CDC27: variants seen among roughly 807,000 people sequenced by gnomAD.
CDC27 encodes the protein cell division cycle 27.
A neutral mutation model predicts 109.7 loss-of-function variants in CDC27; 27 were observed. That is an observed-to-expected ratio of 0.25 (90% confidence interval 0.18 to 0.34). The LOEUF (loss-of-function observed/expected upper bound fraction) is 0.34. Among genes scored for constraint, CDC27 ranks in the 10% least tolerant of loss-of-function variants. The pLI, the probability that CDC27 is intolerant of heterozygous loss-of-function variation, is 1.00. For missense variants in CDC27, 579 were observed against 960.2 expected, an observed-to-expected ratio of 0.60 and a Z score of 5.25; for synonymous variants, 266 against 333.9, an observed-to-expected ratio of 0.80 and a Z score of 2.22.
chr17:47,170,838 A>T (rs567902964), intron 3 of CDC27: 2 of 152,374 alleles, frequency 1.3e-5, no homozygotes, highest in East Asian at 3.9e-4. Flanking sequence ...CAGTGGCTCA[A>T]GCCTATAACC....
chr17:47,157,388 TG>T lies in CDC27; in HGVS notation c.476-5del. 1.3e-6 allele frequency: 2 copies of T among 1,532,088 alleles called. No homozygotes were observed. The highest frequency in any genetic ancestry group is 2.2e-5 in the Admixed American group (1 of 44,604). The allele number at this position is 1,532,088 out of a possible 1,614,324, so 94.9% of individuals were successfully genotyped here. On this transcript the variant is annotated splice_region_variant and splice_polypyrimidine_tract_variant and intron_variant, in intron 5 of 18. Coordinates refer to ENST00000066544, the MANE Select transcript of CDC27 (RefSeq NM_001256.6). ...TGGTCAGGATCTGGCTTTTCACCTG[TG>T]AAGACAAAAAAAAAAAAAGTTTGTC...
Position 47,171,963 on chromosome 17 carries a change from G to C in CDC27, c.205C>G (p.Pro69Ala). The part of the protein sequence containing the change: ...RLLKGHSCTT[P>A]QCKYLLAKCC... ...TTTGCAAGCAGGTATTTGCATTGCG[G>C]TGTAGTACAACTGTGTCCTTTCAAG... is the stretch of plus-strand genomic sequence containing the variant. The change falls in exon 3 of 19, where the codon CCG (proline) becomes GCG (alanine). Residue 69 changes from proline (P) to alanine (A), a missense_variant. This residue lies in a region of CDC27 where 44 missense variants were observed against 102.2 expected (regional missense o/e 0.43). Transcript: ENST00000066544. 1 of 1,601,802 alleles carries C rather than the reference G, an allele frequency of 6.2e-7. No homozygotes were observed. The highest frequency in any genetic ancestry group is 8.5e-7 in the Non-Finnish European group (1 of 1,174,612).
chr17:47,162,567 ATT>A (rs2063528376), intron 4 of CDC27, among the ~76,000 whole-genome samples: 2 of 152,212 alleles, frequency 1.3e-5, no homozygotes, highest in Admixed American at 6.5e-5. Flanking sequence ...TAAAAGTTGC[ATT>A]AGTGAACTGT....
intron 4 of CDC27, among the ~76,000 whole-genome samples, chr17:47,163,982 T>A (rs528069469): frequency 1.3e-5 from 2 of 152,300 alleles, no homozygotes; most frequent in South Asian, 4.1e-4. Flanking sequence ...CAGGCTAGTC[T>A]CGAACTCTTG....
chr17:47,188,722 A>T (rs2064547128), intron 1 of CDC27: 11 of 1,007,768 alleles, frequency 1.1e-5, no homozygotes, highest in Non-Finnish European at 1.3e-5. Context: ...CAAAATAAAA[A>T]AAACCTCCGT....
chr17:47,122,351 C>A (rs909262692), intron 18 of CDC27, 93 bp downstream of exon 18: 4 of 897,488 alleles, frequency 4.5e-6, no homozygotes, highest in African/African-American at 1.7e-5. Flanking sequence ...ATGAAAACAC[C>A]ATGGTTAGAA....
At chr17:47,148,016 G>A (rs2063028813) in intron 9 of CDC27, among the ~76,000 whole-genome samples, 1 of 151,170 alleles carries the variant, frequency 6.6e-6, no homozygotes, top group East Asian at 1.9e-4. Context: ...TGACCAACAT[G>A]GTGAAACCCC....
rs367705594 is a variant in CDC27, at chr17:47,170,149, TTCTC to T, written c.252-111_252-108del. On this transcript the variant is annotated intron_variant, in intron 3 of 18. Transcript: ENST00000066544. ...ATCTAACTATGGAGACACAAATTTTTTCTCTCTCTCTCTTTCCTTTTCCTTCCTT... is the reference window on the plus strand; with the variant it reads ...ATCTAACTATGGAGACACAAATTTTTTCTCTCTCTTTCCTTTTCCTTCCTT... 2,874 of 775,962 alleles carry T rather than the reference TTCTC, an allele frequency of 3.7e-3. 60 individuals are homozygous for T. The African/African-American group carries it at 0.048, about 13-fold the overall frequency. 48.1% of individuals were successfully genotyped at this position (775,962 alleles called of 1,614,324 possible).
Position 47,120,382 on chromosome 17 carries a change from G to A in CDC27, c.*553C>T, listed in dbSNP as rs2148779812. 1 of 153,294 alleles carries A rather than the reference G, an allele frequency of 6.5e-6. No homozygotes were observed. Among genetic ancestry groups the A allele is most frequent in the East Asian group, 1.9e-4 (1 of 5,186 alleles). 9.5% of individuals were successfully genotyped at this position (153,294 alleles called of 1,614,324 possible). A position where few individuals can be genotyped will look rare whatever the true frequency, so the allele number is the denominator to read the frequency against. On this transcript the variant is annotated 3_prime_UTR_variant, in exon 19 of 19. Transcript: ENST00000066544. ...GAGTCCCAATATGCCCATTACATTTGTTTATGGGAGATACTGCAAGTTTAA... is the reference window on the plus strand; with the variant it reads ...GAGTCCCAATATGCCCATTACATTTATTTATGGGAGATACTGCAAGTTTAA...
rs1194340872 is a variant in CDC27 at position 47,132,135 on chromosome 17, T to C, written c.2031+122A>G. 1.2e-5 allele frequency: 7 copies of C among 583,918 alleles called. 1 individual carries two copies. The highest frequency in any genetic ancestry group is 7.9e-5 in the South Asian group (3 of 37,838). 36.2% of individuals were successfully genotyped at this position (583,918 alleles called of 1,614,324 possible). A position where few individuals can be genotyped will look rare whatever the true frequency, so the allele number is the denominator to read the frequency against. ...AAATGGGTAGTATTTTTGGGTGTAA[T>C]AGGCTCCAGAATACTGTTTCAACAC... is the stretch of plus-strand genomic sequence containing the variant. On this transcript the variant is annotated intron_variant, in intron 15 of 18. Transcript: ENST00000066544.
chr17:47,159,932 T>C (rs1045504211), intron 4 of CDC27: 3 of 385,618 alleles, frequency 7.8e-6, no homozygotes, highest in East Asian at 9.3e-5. Flanking sequence ...ACGAGCTCCG[T>C]GGCCTCGGTC....
intron 16 of CDC27, among the ~76,000 whole-genome samples, chr17:47,125,235 C>CT (rs58631604): frequency 0.05 from 2,394 of 48,058 alleles, 601 homozygotes; most frequent in East Asian, 0.23. Flanking sequence ...TTAAAGAAAT[C>CT]TTTTTTTTTT....
At chr17:47,175,313 G>T (rs370497768) in intron 2 of CDC27, among the ~76,000 whole-genome samples, 1 of 152,138 alleles carries the variant, frequency 6.6e-6, no homozygotes, top group African/African-American at 2.4e-5. Flanking sequence ...ATCTAAATAA[G>T]CAGCCTTTCT....
intron 9 of CDC27, among the ~76,000 whole-genome samples, chr17:47,144,578 T>C (rs2062896760): frequency 6.6e-6 from 1 of 152,210 alleles, no homozygotes; most frequent in South Asian, 2.1e-4. Context: ...ATCAAAGGCT[T>C]ATTCTCTTTA....
At chr17:47,133,050 C>T (rs1452532051) in intron 14 of CDC27, among the ~76,000 whole-genome samples, 17 of 60,706 alleles carry the variant, frequency 2.8e-4, no homozygotes, top group Admixed American at 5.1e-4. Context: ...CACACACACA[C>T]ACACATACAT....
At chr17:47,161,029 T>C (rs1168426561) in intron 4 of CDC27, 2 of 151,950 alleles carry the variant, frequency 1.3e-5, no homozygotes, top group Non-Finnish European at 2.9e-5. Context: ...TCAAAGTCTG[T>C]ATCTAAGATC....
intron 8 of CDC27, among the ~76,000 whole-genome samples, chr17:47,152,405 A>C (rs1265646343): frequency 6.6e-6 from 1 of 152,182 alleles, no homozygotes; most frequent in East Asian, 1.9e-4. Context: ...TTAAAAAAAC[A>C]ACCATCTGAT....
chr17:47,120,805 T>C lies in CDC27; in HGVS notation c.*130A>G. 1.5e-6 allele frequency: 1 copy of C among 648,902 alleles called. No individual in the cohort carries two copies. The highest frequency in any genetic ancestry group is 2.8e-6 in the Non-Finnish European group (1 of 359,916). 40.2% of individuals were successfully genotyped at this position (648,902 alleles called of 1,614,324 possible). ...GTATACAGTCAGGGTCCAATGAAAG[T>C]GGCACACTCATGGTATAAGTGACGG... is the stretch of plus-strand genomic sequence containing the variant. On this transcript the variant is annotated 3_prime_UTR_variant, in exon 19 of 19. Coordinates refer to ENST00000066544, the MANE Select transcript of CDC27 (RefSeq NM_001256.6).
At chr17:47,183,245 G>A (rs914526684) in intron 1 of CDC27, among the ~76,000 whole-genome samples, 5 of 151,846 alleles carry the variant, frequency 3.3e-5, no homozygotes, top group African/African-American at 9.7e-5. Flanking sequence ...AGGTTACAAC[G>A]GAAACCAGTA....
Sources: allele counts gnomAD v4.1 joint callset (sites outside exome capture counted in the v4.1 genomes callset), GRCh38; gene constraint gnomAD v4.1.1; regional missense constraint gnomAD v4.1.1; transcripts MANE v1.5; gene names NCBI Gene and HGNC (gene_info 2026-07-23, HGNC 2026-07-21).